GALNTL5: variants seen among roughly 807,000 people sequenced by gnomAD.
GALNTL5 encodes polypeptide N-acetylgalactosaminyltransferase like 5.
Under a neutral mutation model 51.0 loss-of-function variants are expected in GALNTL5, and 44 were observed. That is an observed-to-expected ratio of 0.86 (90% CI 0.68 to 1.11). The LOEUF (loss-of-function observed/expected upper bound fraction) is 1.11, where lower values mean the gene tolerates loss of function less well. Ranked by LOEUF, GALNTL5 falls within the 50% of genes least tolerant of loss-of-function variation. The pLI is 0.00. For missense variants in GALNTL5, 528 were observed against 531.8 expected, an observed-to-expected ratio of 0.99 and a Z score of 0.07; for synonymous variants, 192 against 182.8, an observed-to-expected ratio of 1.05 and a Z score of -0.41.
At chr7:151,988,991 C>T (rs980228475) in intron 5 of GALNTL5, among the ~76,000 whole-genome samples, 4 of 151,568 alleles carry the variant, frequency 2.6e-5, no homozygotes, top group South Asian at 2.1e-4. Context: ...TGAGCCACCA[C>T]GACTGGCCTG....
intron 5 of GALNTL5, among the ~76,000 whole-genome samples, chr7:151,989,319 T>C (rs2081398774): frequency 6.6e-6 from 1 of 150,626 alleles, no homozygotes; most frequent in Non-Finnish European, 1.5e-5. Context: ...CCCAGCTAAT[T>C]TTTTTGTATT....
intron 2 of GALNTL5, among the ~76,000 whole-genome samples, chr7:151,969,783 G>C (rs567554054): frequency 9.2e-5 from 14 of 152,270 alleles, no homozygotes; most frequent in African/African-American, 3.4e-4. Flanking sequence ...TATGTTGCAA[G>C]CTAAACAAAA....
chr7:152,007,745 T>C, intron 6 of GALNTL5, 82 bp from the exon 7 acceptor site: 2 of 854,842 alleles, frequency 2.3e-6, no homozygotes, highest in Admixed American at 1.9e-5. Flanking sequence ...CTATAAGTTA[T>C]TACTAATTTA....
At chr7:151,989,169 T>C (rs553694170) in intron 5 of GALNTL5, among the ~76,000 whole-genome samples, 16 of 152,106 alleles carry the variant, frequency 1.1e-4, no homozygotes, top group Admixed American at 7.2e-4. Flanking sequence ...TTTTTTTTTT[T>C]TAGACAGTCT....
In GALNTL5 at chr7:152,007,929, G is replaced by A; in HGVS notation, c.1011G>A (p.Leu337=). The A allele has an allele frequency of 1.3e-5, 21 of 1,574,424 alleles. No homozygotes were observed. The highest frequency in any genetic ancestry group is 1.7e-5 in the Non-Finnish European group (20 of 1,144,990). ...KDMDFWGREN[L]ELSLRIWMCG... ...TGGATTTTTGGGGAAGAGAAAATTT[G>A]GAACTTTCACTAAGGGTAATTCAGA... is the stretch of plus-strand genomic sequence containing the variant. Residue 337 remains leucine (L), a synonymous_variant, in exon 7 of 9, where the codon TTG becomes TTA. Coordinates refer to ENST00000392800, the MANE Select transcript of GALNTL5 (RefSeq NM_145292.4).
At chr7:151,991,030 C>T (rs2081422733) in intron 5 of GALNTL5, among the ~76,000 whole-genome samples, 2 of 151,996 alleles carry the variant, frequency 1.3e-5, no homozygotes, top group African/African-American at 4.8e-5. Flanking sequence ...TGGGTTTTGT[C>T]TCCTGTTCAA....
At chr7:151,957,161 G>GA (rs796527352) in intron 1 of GALNTL5, among the ~76,000 whole-genome samples, 7 of 148,142 alleles carry the variant, frequency 4.7e-5, no homozygotes, top group Admixed American at 4.7e-4. Flanking sequence ...AAAAAAAAAG[G>GA]AAAAAAAGTG....
intron 1 of GALNTL5, among the ~76,000 whole-genome samples, chr7:151,963,730 G>A (rs1309569993): frequency 6.6e-6 from 1 of 152,164 alleles, no homozygotes; most frequent in Non-Finnish European, 1.5e-5. Flanking sequence ...GAACAATCGT[G>A]TTTTAAATTG....
intron 2 of GALNTL5, 191 bp from the exon 3 acceptor site, chr7:151,970,754 T>TAAA: frequency 2.4e-6 from 1 of 418,168 alleles, no homozygotes; most frequent in Non-Finnish European, 4.4e-6. Flanking sequence ...CAGGTATTCC[T>TAAA]TTATAGCAAT....
chr7:152,019,755 T>C lies in GALNTL5; in HGVS notation c.1286T>C (p.Leu429Ser). ...RLGCKSFQWY[L>S]DNVFPELEAS... ...GGTTGCAAGTCATTTCAGTGGTATT[T>C]GGATAATGTCTTCCCAGAGTTGGAG... The change falls in exon 9 of 9, where the codon TTG becomes TCG. Residue 429 changes from leucine to serine, a missense_variant. Coordinates refer to ENST00000392800, the MANE Select transcript of GALNTL5 (RefSeq NM_145292.4). The C allele has an allele frequency of 6.2e-7, 1 of 1,613,998 alleles. No homozygotes were observed. Among genetic ancestry groups the C allele is most frequent in the South Asian group, 1.1e-5 (1 of 91,048 alleles).
intron 8 of GALNTL5, 40 bp downstream of exon 8, chr7:152,014,833 C>T: frequency 6.4e-7 from 1 of 1,564,726 alleles, no homozygotes; most frequent in East Asian, 2.3e-5. Flanking sequence ...GTATGCGAGG[C>T]CGGAGCAGGA....
At chr7:151,988,115 G>A (rs977389592) in intron 5 of GALNTL5, among the ~76,000 whole-genome samples, 6 of 152,200 alleles carry the variant, frequency 3.9e-5, no homozygotes, top group African/African-American at 7.2e-5. Context: ...CCATTCAGAG[G>A]GATCCCAGTT....
intron 4 of GALNTL5, among the ~76,000 whole-genome samples, chr7:151,985,477 A>G (rs1300161810): frequency 1.3e-5 from 2 of 152,132 alleles, no homozygotes; most frequent in Non-Finnish European, 2.9e-5. Context: ...CATGGGTTTA[A>G]GGACAATTTC....
intron 3 of GALNTL5, 36 bp downstream of exon 3, chr7:151,971,101 A>G (rs566519068): frequency 9.4e-7 from 1 of 1,063,784 alleles, no homozygotes; most frequent in Non-Finnish European, 1.4e-6. Context: ...TTCTCTAGAT[A>G]GATAGATAGA....
chr7:151,961,482 G>A (rs561804762), intron 1 of GALNTL5, among the ~76,000 whole-genome samples: 1 of 152,302 alleles, frequency 6.6e-6, no homozygotes, highest in East Asian at 1.9e-4. Flanking sequence ...CTGCACTCCG[G>A]CCTGGGTGAC....
chr7:151,982,964 T>G lies in GALNTL5; in HGVS notation c.369-22T>G, dbSNP rs780578841. ...CAAGGCATTTAGATGGATGGTTTTC[T>G]TCATATTGCTTCTGCCTGCAGGTGT... On this transcript the variant is annotated intron_variant, in intron 3 of 8. Coordinates refer to ENST00000392800, the MANE Select transcript of GALNTL5 (RefSeq NM_145292.4). 1.9e-6 allele frequency: 3 copies of G among 1,614,014 alleles called. No individual in the cohort carries two copies. The South Asian group carries it at 3.3e-5, about 18-fold the overall frequency.
At chr7:152,015,817 C>G (rs906076755) in intron 8 of GALNTL5, among the ~76,000 whole-genome samples, 4 of 152,116 alleles carry the variant, frequency 2.6e-5, no homozygotes, top group Non-Finnish European at 5.9e-5. Context: ...GTGCATTTCC[C>G]CAGGAGTTAA....
intron 6 of GALNTL5, among the ~76,000 whole-genome samples, chr7:152,003,820 A>G (rs1360363317): frequency 1.3e-5 from 2 of 152,228 alleles, no homozygotes; most frequent in Non-Finnish European, 2.9e-5. Flanking sequence ...TAATATTTCC[A>G]TATCTCACAT....
At chr7:151,996,619 C>A (rs1448008244) in intron 5 of GALNTL5, among the ~76,000 whole-genome samples, 1 of 151,960 alleles carries the variant, frequency 6.6e-6, no homozygotes, top group South Asian at 2.1e-4. Context: ...CGTGGTGGCC[C>A]GTGCCTGTAA....
Sources: gnomAD v4.1 joint callset for allele counts (sites outside exome capture counted in the v4.1 genomes callset) on GRCh38, gnomAD v4.1.1 for gene constraint, MANE v1.5 for transcripts, NCBI Gene and HGNC (gene_info 2026-07-23, HGNC 2026-07-21) for gene names.